RNF130: variants seen among roughly 807,000 people sequenced by gnomAD.
The protein encoded by RNF130 is E3 ubiquitin-protein ligase RNF130.
Under a neutral mutation model 44.6 loss-of-function variants are expected in RNF130, and 21 were observed. The observed-to-expected ratio is 0.47, with a 90% CI of 0.33 to 0.68. The LOEUF is 0.68. Ranked by LOEUF, RNF130 falls within the 30% of genes least tolerant of loss-of-function variation. The probability of loss-of-function intolerance (pLI) is 0.02; values close to 1 mark genes in which losing one functional copy is unlikely to be tolerated. For synonymous variants in RNF130, 214 were observed against 210.4 expected, an observed-to-expected ratio of 1.02 and a Z score of -0.15; for missense variants, 479 against 560.6, an observed-to-expected ratio of 0.85 and a Z score of 1.47.
At chr5:180,005,377 G>A (rs1763442306) in intron 3 of RNF130, among the ~76,000 whole-genome samples, 1 of 152,094 alleles carries the variant, frequency 6.6e-6, no homozygotes. Flanking sequence ...GCAGTGAGCT[G>A]TTAATCGAGC....
Position 179,948,763 on chromosome 5 carries a change from A to G in RNF130, c.1150+18043T>C, listed in dbSNP as rs544356673. The stretch of plus-strand genomic sequence containing the variant: ...GAAGATAAAAAGTCAAGGAAGCTTC[A>G]GGATCTTTTACCAATTATTTTTAAA... On this transcript the variant is annotated intron_variant, in intron 7 of 7. Coordinates refer to the RNF130 transcript ENST00000522208. Among the ~76,000 whole-genome samples the G allele has an allele frequency of 9.8e-5, 15 of 152,324 alleles. No individual in the cohort carries two copies. The East Asian group carries it at 2.9e-3, about 29-fold the overall frequency.
intron 5 of RNF130, 103 bp downstream of exon 5, chr5:179,978,100 C>G (rs1038354370): frequency 1.0e-6 from 1 of 960,142 alleles, no homozygotes; most frequent in East Asian, 2.5e-5. Flanking sequence ...CAGAAAGCCA[C>G]GAGGTGGGTG....
chr5:180,049,159 A>T (rs1021642863), intron 1 of RNF130, among the ~76,000 whole-genome samples: 2 of 152,256 alleles, frequency 1.3e-5, no homozygotes, highest in African/African-American at 4.8e-5. Flanking sequence ...ACCAAAAAGG[A>T]CAAAACCCAA....
chr5:180,011,880 C>T (rs1398978325), intron 3 of RNF130, among the ~76,000 whole-genome samples: 3 of 152,056 alleles, frequency 2.0e-5, no homozygotes, highest in African/African-American at 7.2e-5. Flanking sequence ...ACTTATCTTA[C>T]AAATTTTTTG....
At chr5:180,032,502 G>A (rs1764152726) in intron 2 of RNF130, among the ~76,000 whole-genome samples, 1 of 152,018 alleles carries the variant, frequency 6.6e-6, no homozygotes. Flanking sequence ...CTCCCAAAGT[G>A]CTGTAATTAC....
intron 1 of RNF130, among the ~76,000 whole-genome samples, chr5:180,041,061 G>T (rs113869116): frequency 6.6e-6 from 1 of 152,096 alleles, no homozygotes; most frequent in Non-Finnish European, 1.5e-5. Context: ...CGCCACCACC[G>T]CTATCCCCAC....
At chr5:180,007,167 G>A (rs1196783258) in intron 3 of RNF130, among the ~76,000 whole-genome samples, 1 of 152,178 alleles carries the variant, frequency 6.6e-6, no homozygotes, top group Non-Finnish European at 1.5e-5. Context: ...TTGGGAGGCT[G>A]AGGCAGGAGG....
intron 6 of RNF130, among the ~76,000 whole-genome samples, chr5:179,969,073 G>C (rs941060196): frequency 6.6e-6 from 1 of 152,228 alleles, no homozygotes; most frequent in Non-Finnish European, 1.5e-5. Context: ...AAGCTAAAAT[G>C]AGTTCATCTG....
At position 179,933,776 on chromosome 5, in the gene RNF130, C is replaced by G. The variant is rs1458927113; in HGVS notation, c.1151-13350G>C. 1.4e-5 allele frequency: 8 copies of G among 557,704 alleles called. No individual in the cohort carries two copies. The East Asian group carries it at 2.8e-4, about 20-fold the overall frequency. 34.5% of individuals were successfully genotyped at this position (557,704 alleles called of 1,614,324 possible). A position where few individuals can be genotyped will look rare whatever the true frequency, so the allele number is the denominator to read the frequency against. ...AGGCGCAAGCGATTCACCTAGGCAG[C>G]ATTTTAATTTTAAGTATGTATTACA... On this transcript the variant is annotated intron_variant, in intron 7 of 7. Transcript: ENST00000522208.
rs527578129 is a variant in RNF130, at chr5:180,001,121, G to C, written c.693+11940C>G. ...GGTGCAGTGGTACAGTCTCTGTGCA[G>C]TTTCAGCTGAATTCAACATCAGCAA... On this transcript the variant is annotated intron_variant, in intron 3 of 8. Coordinates refer to ENST00000521389, the MANE Select transcript of RNF130 (RefSeq NM_018434.6). Among the ~76,000 whole-genome samples the C allele has an allele frequency of 2.0e-5, 3 of 152,314 alleles. No homozygotes were observed. The South Asian group carries it at 6.2e-4, about 32-fold the overall frequency.
intron 2 of RNF130, among the ~76,000 whole-genome samples, chr5:180,033,260 G>A (rs1233133336): frequency 1.3e-5 from 2 of 152,184 alleles, no homozygotes; most frequent in Non-Finnish European, 2.9e-5. Flanking sequence ...GGGATTACAG[G>A]TGTGTGCTAC....
intron 1 of RNF130, among the ~76,000 whole-genome samples, chr5:180,064,629 C>T (rs559398692): frequency 1.3e-5 from 2 of 152,210 alleles, no homozygotes; most frequent in Non-Finnish European, 1.5e-5. Context: ...TCATTTTCCT[C>T]TGTTTTTAAA....
At position 179,963,525 on chromosome 5, in the gene RNF130, G is replaced by A. The variant is rs1473559652; in HGVS notation, c.1190C>T (p.Ala397Val). The A allele has an allele frequency of 6.2e-7, 1 of 1,613,984 alleles. No individual in the cohort carries two copies. The highest frequency in any genetic ancestry group is 1.7e-5 in the Admixed American group (1 of 60,028). The change falls in exon 8 of 9, where the codon GCC (alanine) becomes GTC (valine). Residue 397 changes from alanine to valine, a missense_variant. By Grantham distance (64) the Ala-to-Val change is moderately conservative. Transcript: ENST00000521389. Reference sequence around the variant, plus strand: ...GATGATCATGTAGCAGAGTGTGAGGGCACTGAGGAGGCCAAAACTGGCAAT... The same window carrying A: ...GATGATCATGTAGCAGAGTGTGAGGACACTGAGGAGGCCAAAACTGGCAAT... ...FIIASFGLLS[A>V]LTLCYMIIRA...
chr5:179,967,053 C>G (rs184121178), intron 6 of RNF130, 43 bp from the exon 7 acceptor site: 1 of 1,521,776 alleles, frequency 6.6e-7, no homozygotes, highest in East Asian at 2.3e-5. Context: ...AAGGAAAACA[C>G]AACCTTTCAT....
intron 3 of RNF130, among the ~76,000 whole-genome samples, chr5:180,004,922 A>G (rs987428458): frequency 6.6e-6 from 1 of 151,354 alleles, no homozygotes; most frequent in African/African-American, 2.4e-5. Flanking sequence ...ATTCACCACC[A>G]TTTTTTCCCA....
chr5:180,037,837 C>A (rs891033578), intron 2 of RNF130, among the ~76,000 whole-genome samples: 2 of 152,172 alleles, frequency 1.3e-5, no homozygotes, highest in Non-Finnish European at 2.9e-5. Context: ...TTCTAACTGT[C>A]TATGAATCTA....
intron 3 of RNF130, 95 bp downstream of exon 3, chr5:180,012,966 T>C: frequency 7.0e-7 from 1 of 1,425,050 alleles, no homozygotes; most frequent in East Asian, 2.3e-5. Flanking sequence ...CAACATTTTT[T>C]AAAAGAAAAA....
In RNF130 at chr5:180,040,435, A is replaced by G. The variant is rs376481497; in HGVS notation, c.442+18T>C. Reference sequence around the variant, plus strand: ...TCTAAGAAGAAAAACAAAATCAACAACCCTCATTTTTGTTTACCTGGATGA... The same window carrying G: ...TCTAAGAAGAAAAACAAAATCAACAGCCCTCATTTTTGTTTACCTGGATGA... On this transcript the variant is annotated intron_variant, in intron 2 of 8. Coordinates refer to ENST00000521389, the MANE Select transcript of RNF130 (RefSeq NM_018434.6). 5.5e-5 allele frequency: 88 copies of G among 1,600,660 alleles called. 1 individual carries two copies. The African/African-American group carries it at 1.1e-3, about 20-fold the overall frequency.
downstream of RNF130, among the ~76,000 whole-genome samples, chr5:179,951,446 C>G (rs913536802): frequency 1.3e-5 from 2 of 151,216 alleles, no homozygotes; most frequent in Admixed American, 6.6e-5. Flanking sequence ...TGCAGTGGCG[C>G]GATCTCGGCT....
Sources: allele counts gnomAD v4.1 joint callset (sites outside exome capture counted in the v4.1 genomes callset), GRCh38; gene constraint gnomAD v4.1.1; transcripts MANE v1.5; gene names NCBI Gene and HGNC (gene_info 2026-07-23, HGNC 2026-07-21).